Variants in SLC39A11 observed in about 807,000 individuals in gnomAD.
SLC39A11 encodes solute carrier family 39 member 11.
SLC39A11 carries 33 observed loss-of-function variants against 36.1 expected under a neutral mutation model. The observed-to-expected ratio is 0.91, with a 90% CI of 0.69 to 1.22. The LOEUF is 1.22. Among genes scored for constraint, SLC39A11 ranks in the 50% most tolerant of loss-of-function variants. SLC39A11 has a pLI of 0.00. For missense variants in SLC39A11, 432 were observed against 430.3 expected (o/e 1.00, Z -0.03); for synonymous variants, 166 against 170.3 (o/e 0.97, Z 0.20).
chr17:72,736,462 C>A (rs982841923), intron 7 of SLC39A11, among the ~76,000 whole-genome samples, 188 bp downstream of exon 7: 2 of 152,202 alleles, frequency 1.3e-5, no homozygotes, highest in African/African-American at 4.8e-5. Flanking sequence ...AGTTGAAAGA[C>A]TCCTCTCTTA....
intron 6 of SLC39A11, among the ~76,000 whole-genome samples, chr17:72,740,775 A>C (rs549116153): frequency 4.8e-4 from 73 of 151,748 alleles, no homozygotes; most frequent in Non-Finnish European, 7.9e-4. Flanking sequence ...TTTTATTTTT[A>C]TTTTTTATTT....
intron 4 of SLC39A11, among the ~76,000 whole-genome samples, chr17:72,962,397 T>A (rs2086671313): frequency 6.6e-6 from 1 of 152,278 alleles, no homozygotes; most frequent in East Asian, 1.9e-4. Context: ...AGGCTCAGGG[T>A]CCTCTTCCAA....
intron 6 of SLC39A11, among the ~76,000 whole-genome samples, chr17:72,756,824 G>GA (rs1156331585): frequency 1.3e-5 from 2 of 151,778 alleles, no homozygotes; most frequent in African/African-American, 4.8e-5. Flanking sequence ...TATTTGGGGA[G>GA]AAAAAAAACT....
At chr17:72,854,469 C>A (rs1473783390) in intron 5 of SLC39A11, among the ~76,000 whole-genome samples, 1 of 152,128 alleles carries the variant, frequency 6.6e-6, no homozygotes, top group African/African-American at 2.4e-5. Context: ...TATCTATAAT[C>A]ATTCTTACTT....
intron 5 of SLC39A11, among the ~76,000 whole-genome samples, chr17:72,936,743 G>C (rs2084792405): frequency 7.0e-6 from 1 of 143,020 alleles, no homozygotes; most frequent in South Asian, 2.4e-4. Context: ...CTACACATAG[G>C]AGGTGGGGGG....
At chr17:72,900,036 AAG>A (rs1193214146) in intron 5 of SLC39A11, among the ~76,000 whole-genome samples, 1 of 124,640 alleles carries the variant, frequency 8.0e-6, no homozygotes, top group Non-Finnish European at 1.7e-5. Context: ...GAGAGAGAGA[AAG>A]AGAGAGAGAA....
chr17:72,724,802 T>TAA (rs35176237), intron 7 of SLC39A11, among the ~76,000 whole-genome samples: 145 of 144,378 alleles, frequency 1.0e-3, no homozygotes, highest in African/African-American at 8.3e-4. Context: ...GCTCAACTGC[T>TAA]AAAAAAAAAA....
At chr17:72,821,879 T>G (rs963424287) in intron 6 of SLC39A11, 20 of 151,626 alleles carry the variant, frequency 1.3e-4, no homozygotes, top group African/African-American at 4.6e-4. Flanking sequence ...TCCAAAGTAG[T>G]GGAATCCCCA....
At chr17:72,860,019 G>C (rs1383979694) in intron 5 of SLC39A11, among the ~76,000 whole-genome samples, 1 of 109,382 alleles carries the variant, frequency 9.1e-6, no homozygotes, top group Non-Finnish European at 1.9e-5. Context: ...GGAGAGGGGA[G>C]GGGAGGGGAG....
rs1446095843 is a variant in SLC39A11 at position 73,061,576 on chromosome 17, A to G, written c.147+23232T>C. ...GATGACCTATTCATTGGACAGGGTT[A>G]TGCATCTTAATTGGAGAAATAAAAC... On this transcript the variant is annotated intron_variant, in intron 3 of 9. Coordinates refer to ENST00000255559, the MANE Select transcript of SLC39A11 (RefSeq NM_139177.4). 2.6e-5 allele frequency among the ~76,000 whole-genome samples: 4 copies of G among 152,242 alleles called. No individual in the cohort carries two copies. In the East Asian group the frequency reaches 7.7e-4, roughly 29 times the overall value.
chr17:72,985,124 G>A (rs9894852), intron 4 of SLC39A11, among the ~76,000 whole-genome samples: 78,734 of 152,078 alleles, frequency 0.52, 21,335 homozygotes, highest in Middle Eastern at 0.69. Context: ...CACACTCCAC[G>A]TGGCTGACGC....
At chr17:72,788,583 C>T (rs1444767939) in intron 6 of SLC39A11, among the ~76,000 whole-genome samples, 1 of 152,228 alleles carries the variant, frequency 6.6e-6, no homozygotes, top group African/African-American at 2.4e-5. Flanking sequence ...TGATCAAGAA[C>T]TTGTCTCCAG....
chr17:72,959,930 G>T (rs1018775362), intron 4 of SLC39A11, among the ~76,000 whole-genome samples: 102 of 152,268 alleles, frequency 6.7e-4, no homozygotes, highest in African/African-American at 2.4e-3. Context: ...TGCTTCGTGA[G>T]ATGCTCCAAG....
chr17:72,808,045 C>G (rs200716396), intron 6 of SLC39A11, among the ~76,000 whole-genome samples: 1 of 149,602 alleles, frequency 6.7e-6, no homozygotes, highest in Non-Finnish European at 1.5e-5. Flanking sequence ...TTGGTTGTTA[C>G]AGGAAAAAAA....
intron 1 of SLC39A11, among the ~76,000 whole-genome samples, chr17:73,089,212 A>G (rs929186449): frequency 1.3e-5 from 2 of 152,126 alleles, no homozygotes; most frequent in African/African-American, 4.8e-5. Flanking sequence ...GGTGATGTCA[A>G]CACGCTTCCA....
intron 4 of SLC39A11, among the ~76,000 whole-genome samples, chr17:73,004,210 A>AGAAAGGAAAGAAAGAAAG (rs2090032207): frequency 7.8e-6 from 1 of 128,980 alleles, no homozygotes; most frequent in Non-Finnish European, 1.7e-5. Context: ...AAAGAAAGAA[A>AGAAAGGAAAGAAAGAAAG]GAAAGAAAGA....
At chr17:72,959,039 G>T (rs940683394) in intron 4 of SLC39A11, among the ~76,000 whole-genome samples, 2 of 151,872 alleles carry the variant, frequency 1.3e-5, no homozygotes, top group South Asian at 4.2e-4. Flanking sequence ...TAGATGTGGT[G>T]ATCAGAGAAC....
At chr17:72,780,316 G>A (rs1369879536) in intron 6 of SLC39A11, among the ~76,000 whole-genome samples, 1 of 152,078 alleles carries the variant, frequency 6.6e-6, no homozygotes, top group Non-Finnish European at 1.5e-5. Flanking sequence ...CTCTCTTCTT[G>A]GTTTGGGGGC....
chr17:73,032,161 T>C (rs748555881), intron 3 of SLC39A11, among the ~76,000 whole-genome samples: 4 of 151,790 alleles, frequency 2.6e-5, no homozygotes, highest in Non-Finnish European at 4.4e-5. Flanking sequence ...AACAAAGAAT[T>C]ATCTGGCCCC....
Sources: gnomAD v4.1 joint callset for allele counts (sites outside exome capture counted in the v4.1 genomes callset) on GRCh38, gnomAD v4.1.1 for gene constraint, MANE v1.5 for transcripts, NCBI Gene and HGNC (gene_info 2026-07-23, HGNC 2026-07-21) for gene names.